Variants in DPP10 observed in about 807,000 individuals in gnomAD.
The protein encoded by DPP10 is inactive dipeptidyl peptidase 10.
DPP10 carries 33 observed loss-of-function variants against 120.9 expected under a neutral mutation model. The ratio of observed to expected loss-of-function variants is 0.27; its 90% CI spans 0.21 to 0.37. The LOEUF is 0.37. Ranked by LOEUF, DPP10 falls within the 10% of genes least tolerant of loss-of-function variation. The pLI, the probability that DPP10 is intolerant of heterozygous loss-of-function variation, is 1.00. For synonymous variants in DPP10, 337 were observed against 326.1 expected, an observed-to-expected ratio of 1.03 and a Z score of -0.36; for missense variants, 816 against 942.8, an observed-to-expected ratio of 0.87 and a Z score of 1.76.
intron 3 of DPP10, among the ~76,000 whole-genome samples, chr2:115,465,543 C>G (rs974144007): frequency 1.9e-4 from 29 of 152,264 alleles, no homozygotes; most frequent in African/African-American, 6.5e-4. Flanking sequence ...AAAATGTAGG[C>G]CAGGCATGGT....
intron 1 of DPP10, among the ~76,000 whole-genome samples, chr2:115,229,510 A>C (rs1182249144): frequency 6.6e-6 from 1 of 152,064 alleles, no homozygotes; most frequent in African/African-American, 2.4e-5. Flanking sequence ...GTAGTTTCAT[A>C]GTTTGAGGTC....
chr2:114,653,025 A>AGTGTGTGTGTGTGTGTGTGT (rs753807245), intron 1 of DPP10, among the ~76,000 whole-genome samples: 20 of 118,920 alleles, frequency 1.7e-4, no homozygotes, highest in African/African-American at 8.3e-4. Flanking sequence ...AGAGAGAGAG[A>AGTGTGTGTGTGTGTGTGTGT]GAGTGTGTGT....
intron 1 of DPP10, among the ~76,000 whole-genome samples, chr2:114,557,000 CTTT>C (rs59230198): frequency 0.57 from 78,728 of 138,704 alleles, 23,296 homozygotes; most frequent in South Asian, 0.77. Flanking sequence ...GCAAAGACAG[CTTT>C]TTTTTTTTTT....
chr2:114,741,568 A>G (rs997369433), intron 1 of DPP10, among the ~76,000 whole-genome samples: 1 of 152,216 alleles, frequency 6.6e-6, no homozygotes, highest in African/African-American at 2.4e-5. Flanking sequence ...TTCCCCAAAA[A>G]GATTTTTTGA....
intron 3 of DPP10, among the ~76,000 whole-genome samples, chr2:115,496,362 T>G (rs2148770974): frequency 9.4e-6 from 1 of 106,198 alleles, no homozygotes; most frequent in East Asian, 2.8e-4. Flanking sequence ...GATCTAAAGG[T>G]ATTTACAAAT....
At chr2:114,828,509 A>C (rs1472967036) in intron 1 of DPP10, 1 of 152,240 alleles carries the variant, frequency 6.6e-6, no homozygotes, top group African/African-American at 2.4e-5. Flanking sequence ...AAGATGAATT[A>C]TATGAAAATC....
chr2:115,522,753 C>T (rs1468194871), intron 4 of DPP10, among the ~76,000 whole-genome samples: 1 of 152,094 alleles, frequency 6.6e-6, no homozygotes, highest in Non-Finnish European at 1.5e-5. Flanking sequence ...GTGGAAATTA[C>T]TTTTGCATCC....
chr2:115,490,270 G>A (rs183275440), intron 3 of DPP10, among the ~76,000 whole-genome samples: 4 of 152,246 alleles, frequency 2.6e-5, no homozygotes, highest in South Asian at 2.1e-4. Context: ...CAGAAGGTAC[G>A]TCTTCACAGG....
intron 1 of DPP10, among the ~76,000 whole-genome samples, chr2:115,274,451 T>A (rs4386327): frequency 0.41 from 61,894 of 151,806 alleles, 15,401 homozygotes; most frequent in Non-Finnish European, 0.56. Flanking sequence ...TATTTTTTTT[T>A]AATATTTTCA....
chr2:115,214,661 G>C (rs561067108), intron 1 of DPP10, among the ~76,000 whole-genome samples: 16 of 152,118 alleles, frequency 1.1e-4, no homozygotes, highest in African/African-American at 3.6e-4. Context: ...CCTTTTTTCT[G>C]ACTTCTCCCT....
At chr2:114,800,156 A>C (rs1403936677) in intron 1 of DPP10, among the ~76,000 whole-genome samples, 1 of 152,222 alleles carries the variant, frequency 6.6e-6, no homozygotes, top group Non-Finnish European at 1.5e-5. Context: ...AAATGGAATT[A>C]TTGAAACAAG....
At chr2:114,676,757 A>G (rs72826512) in intron 1 of DPP10, among the ~76,000 whole-genome samples, 1,936 of 152,208 alleles carry the variant, frequency 0.013, 13 homozygotes, top group Middle Eastern at 0.031. Flanking sequence ...ATAAATATAC[A>G]TATATGTATA....
Position 114,871,259 on chromosome 2 carries a change from C to CT in DPP10, c.60+428421_60+428422insT, listed in dbSNP as rs762420766. Among the ~76,000 whole-genome samples, 770 of 84,154 alleles carry CT rather than the reference C, an allele frequency of 9.1e-3. 92 individuals are homozygous for CT. Among genetic ancestry groups the CT allele is most frequent in the East Asian group, 0.07 (67 of 952 alleles). The allele number at this position is 84,154 out of a possible 152,430, so 55.2% of individuals were successfully genotyped here. The stretch of plus-strand genomic sequence containing the variant: ...CTTTCTCTATTATTGGGGGAAAGAA[C>CT]ACTGAAGAAACAAGACTTTATTCCC... On this transcript the variant is annotated intron_variant, in intron 1 of 25. Transcript: ENST00000410059.
intron 1 of DPP10, among the ~76,000 whole-genome samples, chr2:115,059,352 CTTT>C (rs70941024): frequency 1.4e-4 from 19 of 135,746 alleles, no homozygotes; most frequent in African/African-American, 2.2e-4. Flanking sequence ...GTAGGTATTT[CTTT>C]TTTTTTTTTT....
chr2:115,625,056 A>G (rs2149295615), intron 5 of DPP10, among the ~76,000 whole-genome samples: 1 of 151,376 alleles, frequency 6.6e-6, no homozygotes, highest in East Asian at 1.9e-4. Context: ...TAACGATATG[A>G]ATTACCTCTT....
At chr2:115,381,661 G>T (rs528137941) in intron 3 of DPP10, among the ~76,000 whole-genome samples, 28 of 152,230 alleles carry the variant, frequency 1.8e-4, no homozygotes, top group African/African-American at 6.5e-4. Context: ...TTTCTGCTCT[G>T]GTTTTTCCCC....
chr2:115,377,527 C>T (rs1319148022), intron 3 of DPP10, among the ~76,000 whole-genome samples: 1 of 152,078 alleles, frequency 6.6e-6, no homozygotes, highest in African/African-American at 2.4e-5. Context: ...ATGGTAGTTT[C>T]TTTTGCTGTG....
intron 1 of DPP10, among the ~76,000 whole-genome samples, chr2:114,498,586 G>T (rs1042233500): frequency 6.6e-6 from 1 of 152,192 alleles, no homozygotes; most frequent in Non-Finnish European, 1.5e-5. Context: ...GTTGGCCTGG[G>T]GAGGTTGTTC....
chr2:114,587,997 T>A (rs1249373672), intron 1 of DPP10, among the ~76,000 whole-genome samples: 2 of 152,236 alleles, frequency 1.3e-5, no homozygotes, highest in East Asian at 1.9e-4. Context: ...TCTATGCTTT[T>A]AAGTAATGCC....
Sources: gnomAD v4.1 joint callset for allele counts (sites outside exome capture counted in the v4.1 genomes callset) on GRCh38, gnomAD v4.1.1 for gene constraint, MANE v1.5 for transcripts, NCBI Gene and HGNC (gene_info 2026-07-23, HGNC 2026-07-21) for gene names.